Variants in NAALADL2 observed in about 807,000 individuals in gnomAD.
NAALADL2 encodes the protein N-acetylated alpha-linked acidic dipeptidase like 2.
NAALADL2 carries 76 observed loss-of-function variants against 87.2 expected under a neutral mutation model. The observed-to-expected ratio is 0.87, with a 90% CI of 0.72 to 1.05. The LOEUF is 1.05. NAALADL2 is among the 50% of genes least tolerant of loss of function. NAALADL2 has a pLI of 0.00. For missense variants in NAALADL2, 1,089 were observed against 945.8 expected (o/e 1.15, Z -1.99); for synonymous variants, 354 against 331.0 (o/e 1.07, Z -0.75).
intron 5 of NAALADL2, among the ~76,000 whole-genome samples, chr3:175,341,726 C>T (rs777153670): frequency 3.3e-5 from 5 of 152,032 alleles, no homozygotes; most frequent in Non-Finnish European, 7.4e-5. Flanking sequence ...CCCAGTATGA[C>T]CCATTGTGAT....
At chr3:174,882,516 T>G (rs116326471) in intron 1 of NAALADL2, among the ~76,000 whole-genome samples, 2 of 149,834 alleles carry the variant, frequency 1.3e-5, no homozygotes, top group Non-Finnish European at 3.0e-5. Context: ...TATATACATA[T>G]GTGCATATAC....
chr3:174,469,907 C>T (rs1052829862), intron 1 of NAALADL2, among the ~76,000 whole-genome samples: 10 of 151,934 alleles, frequency 6.6e-5, no homozygotes, highest in African/African-American at 2.2e-4. Flanking sequence ...ATATGAACCA[C>T]TATTTTTTTT....
At chr3:175,228,461 C>T (rs1274551820) in intron 2 of NAALADL2, among the ~76,000 whole-genome samples, 1 of 151,246 alleles carries the variant, frequency 6.6e-6, no homozygotes, top group East Asian at 1.9e-4. Context: ...AACATAACTA[C>T]TTTGAAGGAC....
chr3:174,443,263 T>A (rs1472812703), intron 1 of NAALADL2, among the ~76,000 whole-genome samples: 2 of 152,146 alleles, frequency 1.3e-5, no homozygotes, highest in South Asian at 2.1e-4. Context: ...ATGTGACAGA[T>A]CATGGTGGCT....
intron 2 of NAALADL2, among the ~76,000 whole-genome samples, chr3:175,105,887 A>G (rs549993329): frequency 1.7e-4 from 26 of 152,224 alleles, no homozygotes; most frequent in African/African-American, 6.3e-4. Context: ...AGAAAAAATG[A>G]AAATAAAGAT....
intron 2 of NAALADL2, among the ~76,000 whole-genome samples, chr3:174,596,312 A>T (rs1249913885): frequency 6.6e-6 from 1 of 152,146 alleles, no homozygotes; most frequent in Non-Finnish European, 1.5e-5. Context: ...ACTACCATTG[A>T]TGCTGCTAAT....
chr3:174,507,570 G>A (rs1719273785), intron 1 of NAALADL2, among the ~76,000 whole-genome samples: 2 of 151,902 alleles, frequency 1.3e-5, no homozygotes, highest in African/African-American at 4.8e-5. Context: ...TGTGCAGTCA[G>A]TCCTCCTCCT....
At chr3:175,157,649 A>C (rs978692970) in intron 2 of NAALADL2, among the ~76,000 whole-genome samples, 1 of 152,106 alleles carries the variant, frequency 6.6e-6, no homozygotes, top group Non-Finnish European at 1.5e-5. Flanking sequence ...GTCACTTACC[A>C]TCTATATAGC....
intron 1 of NAALADL2, among the ~76,000 whole-genome samples, chr3:174,508,863 A>G (rs895290653): frequency 6.6e-6 from 1 of 152,170 alleles, no homozygotes; most frequent in African/African-American, 2.4e-5. Flanking sequence ...AGCATGGGTA[A>G]TGTGGCAAAC....
chr3:175,465,307 A>C (rs1723821136), intron 7 of NAALADL2, among the ~76,000 whole-genome samples: 1 of 151,676 alleles, frequency 6.6e-6, no homozygotes, highest in Non-Finnish European at 1.5e-5. Context: ...AACTTTGAAG[A>C]TTAGAAACAA....
At chr3:174,935,731 A>G (rs1347844772) in intron 1 of NAALADL2, among the ~76,000 whole-genome samples, 1 of 152,138 alleles carries the variant, frequency 6.6e-6, no homozygotes, top group Non-Finnish European at 1.5e-5. Flanking sequence ...CTTCAGAGCT[A>G]CGGATTAGCT....
chr3:175,088,159 G>T (rs1719413941), intron 1 of NAALADL2, among the ~76,000 whole-genome samples: 1 of 151,964 alleles, frequency 6.6e-6, no homozygotes. Context: ...TAGTATTTTG[G>T]GTTAAATTAC....
At chr3:174,648,189 T>A (rs1375432700) in intron 2 of NAALADL2, among the ~76,000 whole-genome samples, 1 of 152,044 alleles carries the variant, frequency 6.6e-6, no homozygotes, top group Admixed American at 6.6e-5. Flanking sequence ...TTATTGTTAA[T>A]CTCTTACTGT....
chr3:175,184,180 A>C lies in NAALADL2; in HGVS notation c.546-49751A>C, dbSNP rs565750056. On this transcript the variant is annotated intron_variant, in intron 2 of 13. Transcript: ENST00000454872. ...GTGTGCCCCATTTCCTAAAATTTTCATTGTAGGATCAACGCCATCTGGAAG... is the reference window on the plus strand; with the variant it reads ...GTGTGCCCCATTTCCTAAAATTTTCCTTGTAGGATCAACGCCATCTGGAAG... 5.3e-5 allele frequency among the ~76,000 whole-genome samples: 8 copies of C among 152,088 alleles called. No homozygotes were observed. The East Asian group carries it at 1.6e-3, about 30-fold the overall frequency.
At chr3:174,533,059 AC>A (rs1721385557) in intron 1 of NAALADL2, among the ~76,000 whole-genome samples, 1 of 146,054 alleles carries the variant, frequency 6.8e-6, no homozygotes, top group African/African-American at 2.6e-5. Context: ...CATTACAGAC[AC>A]CCCTTACCCT....
At chr3:174,970,592 A>C (rs1325636703) in intron 1 of NAALADL2, among the ~76,000 whole-genome samples, 1 of 152,216 alleles carries the variant, frequency 6.6e-6, no homozygotes, top group Non-Finnish European at 1.5e-5. Context: ...TAGAACCATG[A>C]CATTATAAAG....
At chr3:175,666,328 G>A (rs6781209) in intron 11 of NAALADL2, among the ~76,000 whole-genome samples, 1 of 152,056 alleles carries the variant, frequency 6.6e-6, no homozygotes, top group Non-Finnish European at 1.5e-5. Context: ...GGTTCCTAGA[G>A]TCATCAATCA....
At chr3:174,917,733 AT>A (rs11331779) in intron 1 of NAALADL2, among the ~76,000 whole-genome samples, 56,592 of 147,584 alleles carry the variant, frequency 0.38, 11,315 homozygotes, top group African/African-American at 0.53. Flanking sequence ...TCTATTTGTT[AT>A]TTTTTTTTTT....
chr3:174,488,893 A>C (rs1409815112), intron 1 of NAALADL2, among the ~76,000 whole-genome samples: 1 of 152,072 alleles, frequency 6.6e-6, no homozygotes, highest in Non-Finnish European at 1.5e-5. Context: ...ATCTTTCCAT[A>C]GCCACCTATT....
Sources: allele counts gnomAD v4.1 joint callset (sites outside exome capture counted in the v4.1 genomes callset), GRCh38; gene constraint gnomAD v4.1.1; transcripts MANE v1.5; gene names NCBI Gene and HGNC (gene_info 2026-07-23, HGNC 2026-07-21).